The following ERI3 variants were observed in gnomAD, a reference collection of about 807,000 sequenced individuals.
ERI3 encodes ERI1 exoribonuclease 3.
Under a neutral mutation model 44.4 loss-of-function variants are expected in ERI3, and 18 were observed. That is an observed-to-expected ratio of 0.41 (90% CI 0.28 to 0.60). ERI3 has a LOEUF of 0.60. ERI3 is among the 20% of genes least tolerant of loss of function. The pLI, the probability that ERI3 is intolerant of heterozygous loss-of-function variation, is 0.36. For missense variants in ERI3, 294 were observed against 435.5 expected (o/e 0.68, Z 2.89); for synonymous variants, 183 against 164.8 (o/e 1.11, Z -0.84).
At chr1:44,259,188 TA>T (rs1644837343) in intron 7 of ERI3, among the ~76,000 whole-genome samples, 1 of 152,078 alleles carries the variant, frequency 6.6e-6, no homozygotes, top group African/African-American at 2.4e-5. Context: ...ACAAGACACA[TA>T]AGCTTTTATA....
intron 8 of ERI3, among the ~76,000 whole-genome samples, chr1:44,239,948 C>G (rs1557775780): frequency 6.6e-6 from 1 of 152,240 alleles, no homozygotes; most frequent in Non-Finnish European, 1.5e-5. Context: ...GCCTAACTAG[C>G]AGCCATGTTC....
intron 7 of ERI3, among the ~76,000 whole-genome samples, chr1:44,280,088 C>A (rs1645256225): frequency 1.3e-5 from 2 of 152,220 alleles, no homozygotes; most frequent in Admixed American, 1.3e-4. Flanking sequence ...TCTTCTTCCA[C>A]TACTTCATAA....
chr1:44,355,134 C>T lies in ERI3; in HGVS notation c.-108G>A, dbSNP rs112744966. On this transcript the variant is annotated 5_prime_UTR_variant, in exon 1 of 9. Coordinates refer to ENST00000372257, the MANE Select transcript of ERI3 (RefSeq NM_024066.3). ...TCAGGGCAGTTGGCGGCGGCGGGCG[C>T]GGCCCGCGCCGACTGCGGCGCCGGC... 8.1e-7 allele frequency: 1 copy of T among 1,227,686 alleles called. No homozygotes were observed. The highest frequency in any genetic ancestry group is 1.0e-6 in the Non-Finnish European group (1 of 980,498). The allele number at this position is 1,227,686 out of a possible 1,614,324, so 76.0% of individuals were successfully genotyped here. A position where few individuals can be genotyped will look rare whatever the true frequency, so the allele number is the denominator to read the frequency against.
chr1:44,354,953 G>A lies in ERI3; in HGVS notation c.74C>T (p.Pro25Leu). Reference sequence around the variant, plus strand: ...CCAGGGGAGAGTAAGGGGAGGGGCGGGGGGCCAGGAGACCAGCCCTCCTTC... The same window carrying A: ...CCAGGGGAGAGTAAGGGGAGGGGCGAGGGGCCAGGAGACCAGCCCTCCTTC... ...PWEGGLVSWP[P>L]APPLTLPWTW... Residue 25 changes from proline to leucine, a missense_variant, in exon 1 of 9, where the codon CCC becomes CTC. Around this residue, in one of 2 missense-constraint regions of ERI3, gnomAD observed 107 missense variants for 96.9 expected, o/e 1.10. Transcript: ENST00000372257. 2 of 1,342,508 alleles carry A rather than the reference G, an allele frequency of 1.5e-6. No homozygotes were observed. Among genetic ancestry groups the A allele is most frequent in the South Asian group, 2.5e-5 (1 of 40,402 alleles). 83.2% of individuals were successfully genotyped at this position (1,342,508 alleles called of 1,614,324 possible).
intron 2 of ERI3, among the ~76,000 whole-genome samples, chr1:44,349,454 C>A (rs1234088637): frequency 6.6e-6 from 1 of 152,182 alleles, no homozygotes; most frequent in East Asian, 1.9e-4. Flanking sequence ...AGCCACCACG[C>A]CTGGCCAGTT....
At chr1:44,293,393 G>C (rs984474032) in intron 6 of ERI3, among the ~76,000 whole-genome samples, 1 of 152,192 alleles carries the variant, frequency 6.6e-6, no homozygotes. Flanking sequence ...GAGAGGACTA[G>C]GATAAGAAGG....
intron 7 of ERI3, among the ~76,000 whole-genome samples, chr1:44,278,761 G>C (rs112061876): frequency 0.018 from 2,749 of 152,110 alleles, 33 homozygotes; most frequent in African/African-American, 0.026. Context: ...CACCACATCC[G>C]ACTAATTTTT....
intron 1 of ERI3, chr1:44,353,786 G>A (rs1646942880): frequency 1.0e-6 from 1 of 985,356 alleles, no homozygotes; most frequent in Non-Finnish European, 1.2e-6. Flanking sequence ...CTTTTAATTT[G>A]GAGTGCTTAA....
chr1:44,330,124 C>A (rs141672278), intron 3 of ERI3, among the ~76,000 whole-genome samples: 22 of 152,194 alleles, frequency 1.4e-4, no homozygotes, highest in African/African-American at 5.3e-4. Context: ...TGGCTTATAA[C>A]ATCTATTTCT....
chr1:44,306,556 C>T (rs1645837286), intron 6 of ERI3, among the ~76,000 whole-genome samples: 1 of 152,212 alleles, frequency 6.6e-6, no homozygotes, highest in Admixed American at 6.5e-5. Flanking sequence ...CCAGGGCCCA[C>T]TGTGCTACAG....
rs1178430616 is a variant in ERI3 at position 44,252,518 on chromosome 1, C to A, written c.832-4480G>T. On this transcript the variant is annotated intron_variant, in intron 7 of 8. Coordinates refer to ENST00000372257, the MANE Select transcript of ERI3 (RefSeq NM_024066.3). This position sits in a 1 kb window ranked among gnomAD's most constrained non-coding sequence, Gnocchi z 4.7. ...GACACCTCAGCGCAGCCTGCTATTA[C>A]ATGCAAACACTGATCGCCCTGTGAA... is the stretch of plus-strand genomic sequence containing the variant. 6.6e-6 allele frequency among the ~76,000 whole-genome samples: 1 copy of A among 152,228 alleles called. No individual in the cohort carries two copies. Among genetic ancestry groups the A allele is most frequent in the Non-Finnish European group, 1.5e-5 (1 of 68,038 alleles).
rs755107211 is a variant in ERI3, at chr1:44,221,553, G to A, written c.*5C>T. The A allele has an allele frequency of 6.2e-7, 1 of 1,613,212 alleles. No homozygotes were observed. Among genetic ancestry groups the A allele is most frequent in the East Asian group, 2.2e-5 (1 of 44,876 alleles). ...CCTGTCCTGCCCCATCCTGTCCTCG[G>A]CCAATCAGAACGGCTTCGATGTCTG... On this transcript the variant is annotated 3_prime_UTR_variant, in exon 9 of 9. Transcript: ENST00000372257. This position sits in a 1 kb window ranked among gnomAD's most constrained non-coding sequence, Gnocchi z 5.9.
intron 7 of ERI3, among the ~76,000 whole-genome samples, chr1:44,261,021 T>G (rs1644882307): frequency 6.6e-6 from 1 of 152,206 alleles, no homozygotes; most frequent in African/African-American, 2.4e-5. Flanking sequence ...CCCTGACCCC[T>G]GACATCCATT....
intron 7 of ERI3, among the ~76,000 whole-genome samples, chr1:44,275,157 TTTTG>T (rs1055804712): frequency 4.6e-5 from 7 of 152,078 alleles, no homozygotes; most frequent in Non-Finnish European, 7.4e-5. Flanking sequence ...TGGTTTTCAT[TTTTG>T]TTTGTTTTTT....
intron 8 of ERI3, among the ~76,000 whole-genome samples, chr1:44,237,184 G>C (rs1644324883): frequency 6.6e-6 from 1 of 152,162 alleles, no homozygotes; most frequent in South Asian, 2.1e-4. Flanking sequence ...GGTAGAACCA[G>C]GAACACGGCT....
At chr1:44,248,090 C>T (rs1211734491) in intron 7 of ERI3, 52 bp from the exon 8 acceptor site, 2 of 1,333,902 alleles carry the variant, frequency 1.5e-6, no homozygotes, top group Admixed American at 2.0e-5. Flanking sequence ...TCTGAACCAA[C>T]CCCACTCACA....
intron 8 of ERI3, among the ~76,000 whole-genome samples, chr1:44,245,052 G>C (rs1644525499): frequency 6.6e-6 from 1 of 152,144 alleles, no homozygotes; most frequent in Non-Finnish European, 1.5e-5. Flanking sequence ...TGTCACTAAG[G>C]ACCAGCCTGA....
intron 3 of ERI3, among the ~76,000 whole-genome samples, chr1:44,325,075 C>CT (rs3054114): frequency 4.6e-4 from 43 of 93,892 alleles, no homozygotes; most frequent in East Asian, 2.4e-3. Context: ...TTAAACACAG[C>CT]TTTTTTTTTT....
At chr1:44,224,491 G>A (rs1643987147) in intron 8 of ERI3, among the ~76,000 whole-genome samples, 1 of 152,188 alleles carries the variant, frequency 6.6e-6, no homozygotes, top group African/African-American at 2.4e-5. Flanking sequence ...ACACAGCAAG[G>A]GCTTAGCGTC....
Sources: gnomAD v4.1 joint callset for allele counts (sites outside exome capture counted in the v4.1 genomes callset) on GRCh38, gnomAD v4.1.1 for gene constraint, gnomAD v4.1.1 regional missense constraint, Gnocchi (gnomAD v3.1) non-coding constraint, MANE v1.5 for transcripts, NCBI Gene and HGNC (gene_info 2026-07-23, HGNC 2026-07-21) for gene names.